MCHR2: variants seen among roughly 807,000 people sequenced by gnomAD.
MCHR2 encodes the protein melanin-concentrating hormone receptor 2.
MCHR2 carries 15 observed loss-of-function variants against 24.8 expected under a neutral mutation model. That is an observed-to-expected ratio of 0.60 (90% confidence interval 0.40 to 0.93). The LOEUF (loss-of-function observed/expected upper bound fraction) is 0.93. Among genes scored for constraint, MCHR2 ranks in the 40% least tolerant of loss-of-function variants. The pLI is 0.00. For synonymous variants in MCHR2, 151 were observed against 147.6 expected (o/e 1.02, Z -0.17); for missense variants, 386 against 408.7 (o/e 0.94, Z 0.48).
intron 4 of MCHR2, among the ~76,000 whole-genome samples, chr6:99,939,220 G>A (rs1181634267): frequency 6.6e-6 from 1 of 151,942 alleles, no homozygotes; most frequent in Non-Finnish European, 1.5e-5. Context: ...CTGCCATCTT[G>A]TTGCTTATTT....
intron 1 of MCHR2, among the ~76,000 whole-genome samples, chr6:99,974,139 A>T (rs1444824204): frequency 6.6e-6 from 1 of 152,146 alleles, no homozygotes. Flanking sequence ...CTCCTGGATA[A>T]TATCCTGCAG....
At chr6:99,954,087 A>G (rs1052652456) in intron 2 of MCHR2, among the ~76,000 whole-genome samples, 1 of 152,052 alleles carries the variant, frequency 6.6e-6, no homozygotes, top group Non-Finnish European at 1.5e-5. Flanking sequence ...GGATTCTTTT[A>G]TCTTTACAGC....
At chr6:99,991,808 C>CAAAAA (rs3038469) in intron 1 of MCHR2, among the ~76,000 whole-genome samples, 1,270 of 81,970 alleles carry the variant, frequency 0.015, 84 homozygotes, top group African/African-American at 0.046. Context: ...GACTCCGTCT[C>CAAAAA]AAAAAAAAAA....
At chr6:99,985,536 C>G (rs182334803) in intron 1 of MCHR2, among the ~76,000 whole-genome samples, 18 of 152,112 alleles carry the variant, frequency 1.2e-4, no homozygotes, top group Admixed American at 1.2e-3. Flanking sequence ...ACCTCTACAA[C>G]CAATAATCTT....
chr6:99,973,817 T>C lies in MCHR2; in HGVS notation c.-27-17643A>G, dbSNP rs556822083. Among the ~76,000 whole-genome samples, 37 of 152,326 alleles carry C rather than the reference T, an allele frequency of 2.4e-4. No individual in the cohort carries two copies. In the South Asian group the frequency reaches 6.8e-3, roughly 28 times the overall value. On this transcript the variant is annotated intron_variant, in intron 1 of 5. Transcript: ENST00000281806. ...AAGTATTTTATTTCTCCTTCACTTA[T>C]GAAGCTTAGTTCGGCTGGATATGAA...
At chr6:99,959,320 T>A (rs9389906) in intron 1 of MCHR2, among the ~76,000 whole-genome samples, 62,788 of 151,418 alleles carry the variant, frequency 0.41, 13,470 homozygotes, top group East Asian at 0.75. Flanking sequence ...TCCAGAGGAG[T>A]CATGTCCACA....
intron 1 of MCHR2, among the ~76,000 whole-genome samples, chr6:99,978,513 G>C (rs1160977278): frequency 7.2e-6 from 1 of 138,440 alleles, no homozygotes; most frequent in Non-Finnish European, 1.5e-5. Context: ...CCACCTCCCG[G>C]GTTCAAGTGA....
intron 5 of MCHR2, among the ~76,000 whole-genome samples, chr6:99,924,811 G>A (rs1284970600): frequency 6.6e-6 from 1 of 152,040 alleles, no homozygotes; most frequent in East Asian, 1.9e-4. Context: ...CTTGTTTTGT[G>A]ACCTAACATA....
intron 5 of MCHR2, among the ~76,000 whole-genome samples, chr6:99,923,376 C>T (rs13203865): frequency 0.17 from 25,351 of 151,808 alleles, 2,279 homozygotes; most frequent in African/African-American, 0.19. Flanking sequence ...TTCGGATGTC[C>T]TTTATTTCTT....
At chr6:99,975,652 T>A (rs144123089) in intron 1 of MCHR2, among the ~76,000 whole-genome samples, 1 of 152,116 alleles carries the variant, frequency 6.6e-6, no homozygotes, top group Non-Finnish European at 1.5e-5. Context: ...AAATCACCCA[T>A]CTTCTGCGTC....
chr6:99,951,356 T>C (rs894144725), intron 2 of MCHR2, among the ~76,000 whole-genome samples: 1 of 152,142 alleles, frequency 6.6e-6, no homozygotes, highest in East Asian at 1.9e-4. Flanking sequence ...ACAGATGCTA[T>C]ACAGGACAGA....
chr6:99,920,598 G>C lies in MCHR2; in HGVS notation c.*342C>G, dbSNP rs183668483. 449 of 244,118 alleles carry C rather than the reference G, an allele frequency of 1.8e-3. 3 individuals are homozygous for C. In the Middle Eastern group the frequency reaches 0.03, roughly 16 times the overall value. 15.1% of individuals were successfully genotyped at this position (244,118 alleles called of 1,614,324 possible). The stretch of plus-strand genomic sequence containing the variant: ...GTTACAGTGAGGCCACAGTGTGGAG[G>C]GCAAGGTCAGGTTCCTTGGTGAGTT... On this transcript the variant is annotated 3_prime_UTR_variant, in exon 6 of 6. Transcript: ENST00000281806.
intron 1 of MCHR2, among the ~76,000 whole-genome samples, chr6:99,966,994 C>G (rs1775306760): frequency 6.6e-6 from 1 of 152,040 alleles, no homozygotes; most frequent in African/African-American, 2.4e-5. Flanking sequence ...GGGTTGAACC[C>G]ATCCATCCTG....
intron 1 of MCHR2, among the ~76,000 whole-genome samples, chr6:99,972,435 A>G (rs1582403356): frequency 6.6e-6 from 1 of 152,048 alleles, no homozygotes; most frequent in Admixed American, 6.6e-5. Context: ...TATTGCGTCT[A>G]TTTGATTCTT....
At chr6:99,974,215 G>T (rs190602755) in intron 1 of MCHR2, among the ~76,000 whole-genome samples, 1 of 152,206 alleles carries the variant, frequency 6.6e-6, no homozygotes, top group East Asian at 1.9e-4. Flanking sequence ...TGTAGATTTG[G>T]TCTTTTCACA....
chr6:99,964,801 AAT>A (rs1156231477), intron 1 of MCHR2, among the ~76,000 whole-genome samples: 1 of 152,118 alleles, frequency 6.6e-6, no homozygotes, highest in Non-Finnish European at 1.5e-5. Flanking sequence ...CACACAATGA[AAT>A]ACTATATAGC....
intron 5 of MCHR2, among the ~76,000 whole-genome samples, chr6:99,932,183 C>T (rs1269943567): frequency 6.6e-6 from 1 of 152,058 alleles, no homozygotes; most frequent in East Asian, 1.9e-4. Flanking sequence ...ATATGTTATG[C>T]CACTCTCTCC....
chr6:99,969,213 T>C (rs965154021), intron 1 of MCHR2, among the ~76,000 whole-genome samples: 2 of 152,086 alleles, frequency 1.3e-5, no homozygotes, highest in African/African-American at 4.8e-5. Context: ...TGGTGGCTCA[T>C]GCCTGTAATC....
In MCHR2 at chr6:99,934,485, A is replaced by C. The variant is rs1462109969; in HGVS notation, c.620T>G (p.Phe207Cys). ...YTLYLTITTF[F>C]FPLPLILVCY... ...CACCAAAATCAAGGGTAGAGGGAAA[A>C]AAAAAGTTGTTATCGTCAAATAAAG... Residue 207 changes from phenylalanine to cysteine, a missense_variant, in exon 5 of 6, where the codon TTT becomes TGT. Coordinates refer to ENST00000281806, the MANE Select transcript of MCHR2 (RefSeq NM_001040179.2). The C allele has an allele frequency of 3.1e-6, 5 of 1,601,734 alleles. No individual in the cohort carries two copies. The African/African-American group carries it at 5.4e-5, about 17-fold the overall frequency.
Sources: gnomAD v4.1 joint callset for allele counts (sites outside exome capture counted in the v4.1 genomes callset) on GRCh38, gnomAD v4.1.1 for gene constraint, MANE v1.5 for transcripts, NCBI Gene and HGNC (gene_info 2026-07-23, HGNC 2026-07-21) for gene names.